TOPBP1: variants seen among roughly 807,000 people sequenced by gnomAD.
TOPBP1 encodes the protein DNA topoisomerase 2-binding protein 1.
TOPBP1 carries 28 observed loss-of-function variants against 167.7 expected under a neutral mutation model. The ratio of observed to expected loss-of-function variants is 0.17; its 90% CI spans 0.12 to 0.23. The LOEUF is 0.23. Among genes scored for constraint, TOPBP1 ranks in the 10% least tolerant of loss-of-function variants. The probability of loss-of-function intolerance (pLI) is 1.00; values close to 1 mark genes in which losing one functional copy is unlikely to be tolerated. For missense variants in TOPBP1, 1,554 were observed against 1,809.6 expected, an observed-to-expected ratio of 0.86 and a Z score of 2.56; for synonymous variants, 598 against 611.4, an observed-to-expected ratio of 0.98 and a Z score of 0.32.
intron 10 of TOPBP1, among the ~76,000 whole-genome samples, chr3:133,648,846 T>C (rs752522590): frequency 6.6e-6 from 1 of 152,206 alleles, no homozygotes; most frequent in Non-Finnish European, 1.5e-5. Flanking sequence ...CGAGGTAGAT[T>C]AAAATTCTGA....
intron 12 of TOPBP1, among the ~76,000 whole-genome samples, chr3:133,640,765 A>G (rs1358960032): frequency 6.6e-6 from 1 of 152,196 alleles, no homozygotes; most frequent in Non-Finnish European, 1.5e-5. Context: ...CTCCCAAAAG[A>G]AGGCACAGAA....
chr3:133,615,031 AAGAG>A (rs1450645122), intron 23 of TOPBP1, among the ~76,000 whole-genome samples: 1 of 152,016 alleles, frequency 6.6e-6, no homozygotes, highest in African/African-American at 2.4e-5. Context: ...CCGCAAAAAA[AAGAG>A]AAAGTTTTTC....
chr3:133,638,792 A>T (rs1222929784), intron 13 of TOPBP1, among the ~76,000 whole-genome samples: 1 of 152,150 alleles, frequency 6.6e-6, no homozygotes, highest in African/African-American at 2.4e-5. Context: ...TTTTTTCAAC[A>T]TTTAACAAAA....
chr3:133,639,938 G>A lies in TOPBP1; in HGVS notation c.2233+21C>T, dbSNP rs780126609. 3 of 1,605,766 alleles carry A rather than the reference G, an allele frequency of 1.9e-6. No individual in the cohort carries two copies. The African/African-American group carries it at 4.0e-5, about 22-fold the overall frequency. ...CATCTAGTTGTAAATATATATAAAA[G>A]AACAGAATAAAAGTATTAACCTTCT... On this transcript the variant is annotated intron_variant, in intron 13 of 27. Transcript: ENST00000260810.
Position 133,649,943 on chromosome 3 carries a change from T to C in TOPBP1, c.1090A>G (p.Ile364Val). 2 of 1,569,634 alleles carry C rather than the reference T, an allele frequency of 1.3e-6. No individual in the cohort carries two copies. The highest frequency in any genetic ancestry group is 1.7e-6 in the Non-Finnish European group (2 of 1,164,082). The change falls in exon 9 of 28, where the codon ATA becomes GTA. Residue 364 changes from isoleucine to valine, a missense_variant and splice_region_variant. By Grantham distance (29) the Ile-to-Val change is conservative. Coordinates refer to ENST00000260810, the MANE Select transcript of TOPBP1 (RefSeq NM_007027.4). Reference protein sequence around the residue: ...APEDLLDGCRIYLCGFSGRKL... With the variant: ...APEDLLDGCRVYLCGFSGRKL... The stretch of plus-strand genomic sequence containing the variant: ...CTGCCACTAAAACCGCAAAGATATA[T>C]CTGCAAGAAAGAAAATATTTAATAT...
intron 27 of TOPBP1, among the ~76,000 whole-genome samples, chr3:133,603,191 C>A (rs1468709396): frequency 6.6e-6 from 1 of 152,140 alleles, no homozygotes; most frequent in East Asian, 1.9e-4. Flanking sequence ...CCACCATGCC[C>A]GGCCTCAGGA....
intron 19 of TOPBP1, 128 bp from the exon 20 acceptor site, chr3:133,620,475 C>T (rs1350091938): frequency 3.3e-6 from 3 of 909,946 alleles, no homozygotes; most frequent in East Asian, 2.6e-5. Context: ...ATATTAACTA[C>T]AGGCTATAGT....
At chr3:133,634,137 T>A (rs542702787) in intron 14 of TOPBP1, among the ~76,000 whole-genome samples, 78 of 152,332 alleles carry the variant, frequency 5.1e-4, no homozygotes, top group African/African-American at 1.8e-3. Context: ...AAACCTACCA[T>A]GTATTGTGGA....
Position 133,601,308 on chromosome 3 carries a change from G to A in TOPBP1, c.4511C>T (p.Ser1504Leu). 2 of 1,606,222 alleles carry A rather than the reference G, an allele frequency of 1.2e-6. No individual in the cohort carries two copies. Among genetic ancestry groups the A allele is most frequent in the South Asian group, 2.2e-5 (2 of 89,280 alleles). The change falls in exon 28 of 28, where the codon TCA becomes TTA. Residue 1504 changes from serine (S) to leucine (L), a missense_variant. Ser to Leu is a moderately radical substitution (Grantham distance 145). Around this residue, in one of 3 missense-constraint regions of TOPBP1, gnomAD observed 351 missense variants for 432.9 expected, o/e 0.81. Transcript: ENST00000260810. The stretch of plus-strand genomic sequence containing the variant: ...TTCTGTAGGAGCTTTCCTCTTTTGT[G>A]ATAATCCAGTCCCAAGTTCCTTATT... ...QNNKELGTGL[S>L]QKRKAPTEKN... is the part of the protein sequence containing the mutation.
intron 17 of TOPBP1, 78 bp from the exon 18 acceptor site, chr3:133,623,535 AGCAATACATTATACTGTAATATG>A (rs1228117875): frequency 2.9e-5 from 42 of 1,460,864 alleles, no homozygotes; most frequent in Non-Finnish European, 3.4e-5. Flanking sequence ...GATAAGGACA[AGCAATACATTATACTGTAATATG>A]GCAAAAAGTT....
At chr3:133,645,265 T>C (rs1429797704) in intron 10 of TOPBP1, among the ~76,000 whole-genome samples, 1 of 152,184 alleles carries the variant, frequency 6.6e-6, no homozygotes, top group Non-Finnish European at 1.5e-5. Context: ...GTATTAAAAT[T>C]GTACTTATTC....
intron 25 of TOPBP1, 75 bp from the exon 26 acceptor site, chr3:133,609,037 C>G (rs1324987599): frequency 1.7e-6 from 2 of 1,174,682 alleles, no homozygotes; most frequent in African/African-American, 3.1e-5. Flanking sequence ...ATGATTTTAT[C>G]TGTAGACTTA....
At chr3:133,633,850 C>T (rs1454936229) in intron 14 of TOPBP1, among the ~76,000 whole-genome samples, 2 of 152,160 alleles carry the variant, frequency 1.3e-5, no homozygotes, top group Admixed American at 6.5e-5. Context: ...ACTCTCTTGG[C>T]ATCTATTCTC....
chr3:133,643,967 T>A, intron 11 of TOPBP1, 53 bp downstream of exon 11: 1 of 1,480,416 alleles, frequency 6.8e-7, no homozygotes, highest in Non-Finnish European at 9.1e-7. Flanking sequence ...ATTAACCTTC[T>A]TGGCATTCAG....
Position 133,608,481 on chromosome 3 carries a change from T to C in TOPBP1, c.4425+54A>G, listed in dbSNP as rs533121149. On this transcript the variant is annotated intron_variant, in intron 27 of 27. Coordinates refer to ENST00000260810, the MANE Select transcript of TOPBP1 (RefSeq NM_007027.4). ...GTTTTGTTGTGCAGTTACTTATCTA[T>C]GCACATAAACGTATCTCTGGTAATG... is the stretch of plus-strand genomic sequence containing the variant. 17 of 1,587,522 alleles carry C rather than the reference T, an allele frequency of 1.1e-5. No homozygotes were observed. In the East Asian group the frequency reaches 1.3e-4, roughly 13 times the overall value.
chr3:133,636,588 C>T (rs558160665), intron 14 of TOPBP1, among the ~76,000 whole-genome samples: 146 of 152,240 alleles, frequency 9.6e-4, no homozygotes, highest in African/African-American at 3.4e-3. Flanking sequence ...GAACTATCAG[C>T]TTTCCACTGC....
chr3:133,657,755 A>G, intron 4 of TOPBP1, 43 bp downstream of exon 4: 1 of 1,420,346 alleles, frequency 7.0e-7, no homozygotes, highest in Non-Finnish European at 9.3e-7. Flanking sequence ...AGAATAAGAG[A>G]TAGATATATA....
intron 26 of TOPBP1, 47 bp downstream of exon 26, chr3:133,608,826 A>C: frequency 6.3e-7 from 1 of 1,578,572 alleles, no homozygotes; most frequent in African/African-American, 1.4e-5. Flanking sequence ...AATCTTGGTT[A>C]GATGATTATT....
At position 133,601,090 on chromosome 3, in the gene TOPBP1, A is replaced by G. The variant is rs1576671835; in HGVS notation, c.*160T>C. The G allele has an allele frequency of 1.9e-6, 1 of 527,682 alleles. No individual in the cohort carries two copies. The highest frequency in any genetic ancestry group is 4.4e-5 in the Admixed American group (1 of 22,862). The allele number at this position is 527,682 out of a possible 1,614,324, so 32.7% of individuals were successfully genotyped here. On this transcript the variant is annotated 3_prime_UTR_variant, in exon 28 of 28. Transcript: ENST00000260810. ...AAACAGTTAATATTTCAGTGATTAC[A>G]ATTTCAGGTGTTCAAAACTCAAGAA...
Sources: gnomAD v4.1 joint callset for allele counts (sites outside exome capture counted in the v4.1 genomes callset) on GRCh38, gnomAD v4.1.1 for gene constraint, gnomAD v4.1.1 regional missense constraint, MANE v1.5 for transcripts, NCBI Gene and HGNC (gene_info 2026-07-23, HGNC 2026-07-21) for gene names.